Variants in TSPAN15 observed in about 807,000 individuals in gnomAD.
TSPAN15 encodes tetraspanin-15.
In TSPAN15, 20 loss-of-function variants were observed where a neutral mutation model predicts 34.5. That is an observed-to-expected ratio of 0.58 (90% CI 0.41 to 0.84). The LOEUF is 0.84. Ranked by LOEUF, TSPAN15 falls within the 40% of genes least tolerant of loss-of-function variation. The pLI, the probability that TSPAN15 is intolerant of heterozygous loss-of-function variation, is 0.00. For synonymous variants in TSPAN15, 155 were observed against 153.9 expected (o/e 1.01, Z -0.05); for missense variants, 313 against 386.1 (o/e 0.81, Z 1.59).
At chr10:69,523,219 T>C in the TSPAN15 span, 1 of 277,566 alleles carries the variant, frequency 3.6e-6, no homozygotes, top group South Asian at 5.5e-5. Context: ...GTTTTGTTTG[T>C]TTGTTATTTG....
At chr10:69,513,854 T>C in the TSPAN15 span, among the ~76,000 whole-genome samples, 1 of 152,252 alleles carries the variant, frequency 6.6e-6, no homozygotes, top group Non-Finnish European at 1.5e-5. Context: ...TTCCACTGAA[T>C]TGCCTTGGCA....
intron 2 of TSPAN15, among the ~76,000 whole-genome samples, chr10:69,484,705 C>T (rs534057726): frequency 1.6e-4 from 24 of 152,242 alleles, no homozygotes; most frequent in African/African-American, 5.5e-4. Context: ...TCAGCCATCC[C>T]CCTCACCCAC....
chr10:69,516,095 G>T, the TSPAN15 span, among the ~76,000 whole-genome samples: 6 of 152,212 alleles, frequency 3.9e-5, no homozygotes, highest in Admixed American at 3.9e-4. Context: ...ACTGAGGCCG[G>T]ATACTAACGA....
At chr10:69,507,651 GTTTTTT>G in exon 8 of TSPAN15, 182 of 1,006,490 alleles carry the variant, frequency 1.8e-4, no homozygotes, top group East Asian at 1.1e-3. Flanking sequence ...ATAAAAACAT[GTTTTTT>G]TTTTTTTTTT....
rs141735293 is a variant in TSPAN15 at position 69,497,871 on chromosome 10, G to A, written c.454-409G>A. ...ACGGGGTGGCTCCTAGGGTGGGTGC[G>A]AAGGTTGGTTGAGGTGCAGGGACTT... On this transcript the variant is annotated intron_variant, in intron 4 of 7. Transcript: ENST00000373290. 3.8e-3 allele frequency among the ~76,000 whole-genome samples: 584 copies of A among 152,308 alleles called. 3 individuals are homozygous for A. Among genetic ancestry groups the A allele is most frequent in the Middle Eastern group, 0.014 (4 of 294 alleles).
chr10:69,541,949 T>A, the TSPAN15 span, among the ~76,000 whole-genome samples: 1 of 152,266 alleles, frequency 6.6e-6, no homozygotes, highest in East Asian at 1.9e-4. Flanking sequence ...ATTGTCTTGG[T>A]GATTAACATT....
At chr10:69,511,534 C>A (rs1191958138), downstream of TSPAN15, among the ~76,000 whole-genome samples, 3 of 152,136 alleles carry the variant, frequency 2.0e-5, no homozygotes, top group African/African-American at 7.2e-5. Flanking sequence ...CTCCTGGATT[C>A]ATTGATTTTT....
rs578113916 is a variant in TSPAN15 at position 69,477,488 on chromosome 10, A to G, written c.97-6203A>G. On this transcript the variant is annotated intron_variant, in intron 1 of 7. Coordinates refer to ENST00000373290, the MANE Select transcript of TSPAN15 (RefSeq NM_012339.5). ...TGGTGAGGGGCAGCACCAGCGAGAG[A>G]TGCTCTAGACTTGTGCTGTCCAAAA... Among the ~76,000 whole-genome samples the G allele has an allele frequency of 4.5e-3, 678 of 152,242 alleles. 2 individuals carry two copies. The highest frequency in any genetic ancestry group is 6.2e-3 in the Non-Finnish European group (420 of 68,000).
At chr10:69,542,167 G>A in the TSPAN15 span, among the ~76,000 whole-genome samples, 1 of 152,082 alleles carries the variant, frequency 6.6e-6, no homozygotes, top group East Asian at 1.9e-4. Context: ...GATCTCTAGG[G>A]CAGGGGGAAA....
chr10:69,507,429 C>A lies in TSPAN15; in HGVS notation c.*451C>A. 7.8e-7 allele frequency: 1 copy of A among 1,280,302 alleles called. No individual in the cohort carries two copies. Among genetic ancestry groups the A allele is most frequent in the Non-Finnish European group, 1.0e-6 (1 of 981,192 alleles). The allele number at this position is 1,280,302 out of a possible 1,614,324, so 79.3% of individuals were successfully genotyped here. A position where few individuals can be genotyped will look rare whatever the true frequency, so the allele number is the denominator to read the frequency against. Reference sequence around the variant, plus strand: ...AGGAGGGAAGAGCTGTCCATGCAGCCACGCCCATGGCCAGGTTGGCCTCTT... The same window carrying A: ...AGGAGGGAAGAGCTGTCCATGCAGCAACGCCCATGGCCAGGTTGGCCTCTT... On this transcript the variant is annotated 3_prime_UTR_variant, in exon 8 of 8. Coordinates refer to ENST00000373290, the MANE Select transcript of TSPAN15 (RefSeq NM_012339.5).
chr10:69,491,051 G>A (rs73275787), intron 3 of TSPAN15, among the ~76,000 whole-genome samples: 2,478 of 152,302 alleles, frequency 0.016, 67 homozygotes, highest in African/African-American at 0.057. Flanking sequence ...AGTGAGGCTG[G>A]AGCCCCCAGT....
chr10:69,528,141 T>G, the TSPAN15 span, among the ~76,000 whole-genome samples: 1 of 147,594 alleles, frequency 6.8e-6, no homozygotes, highest in Non-Finnish European at 1.5e-5. Context: ...AAGCGTGGAG[T>G]CTGGTCACTG....
At chr10:69,488,485 T>C (rs1471621506) in intron 3 of TSPAN15, among the ~76,000 whole-genome samples, 3 of 152,340 alleles carry the variant, frequency 2.0e-5, no homozygotes, top group East Asian at 1.9e-4. Flanking sequence ...TATCTACTTA[T>C]GAAAAGTCAG....
downstream of TSPAN15, among the ~76,000 whole-genome samples, chr10:69,508,192 C>T (rs1420657591): frequency 6.6e-6 from 1 of 151,968 alleles, no homozygotes; most frequent in Admixed American, 6.6e-5. Context: ...GCCTGTAACC[C>T]CAACACTTTG....
At chr10:69,539,543 AGG>A in the TSPAN15 span, among the ~76,000 whole-genome samples, 11 of 66,308 alleles carry the variant, frequency 1.7e-4, no homozygotes, top group East Asian at 4.5e-3. Flanking sequence ...AAGAAGGAGA[AGG>A]AGAAGGAGAA....
At chr10:69,501,876 CTG>C (rs1842215780) in intron 5 of TSPAN15, among the ~76,000 whole-genome samples, 1 of 152,164 alleles carries the variant, frequency 6.6e-6, no homozygotes, top group South Asian at 2.1e-4. Context: ...CTATTGTAAA[CTG>C]TGCATGCAAG....
At chr10:69,478,030 A>C (rs1009403734) in intron 1 of TSPAN15, among the ~76,000 whole-genome samples, 1 of 152,190 alleles carries the variant, frequency 6.6e-6, no homozygotes, top group Non-Finnish European at 1.5e-5. Context: ...TGACATGGCC[A>C]AGGGTACTGA....
At chr10:69,459,930 C>T (rs75077529) in intron 1 of TSPAN15, among the ~76,000 whole-genome samples, 1 of 144,082 alleles carries the variant, frequency 6.9e-6, no homozygotes, top group African/African-American at 2.6e-5. Context: ...ACCCCCCCCC[C>T]ACGAATGGAG....
chr10:69,455,557 CTCTTTCTTTCTTTCTCTTT>C (rs796973722), intron 1 of TSPAN15, among the ~76,000 whole-genome samples: 3,868 of 139,946 alleles, frequency 0.028, 274 homozygotes, highest in African/African-American at 0.09. Context: ...TTCTCTCTCT[CTCTTTCTTTCTTTCTCTTT>C]TCTTTCTTTC....
Sources: allele counts gnomAD v4.1 joint callset (sites outside exome capture counted in the v4.1 genomes callset), GRCh38; gene constraint gnomAD v4.1.1; transcripts MANE v1.5; gene names NCBI Gene and HGNC (gene_info 2026-07-23, HGNC 2026-07-21).